CHIC2: variants seen among roughly 807,000 people sequenced by gnomAD.
CHIC2 encodes the protein cysteine-rich hydrophobic domain-containing protein 2.
In CHIC2, 14 loss-of-function variants were observed where a neutral mutation model predicts 25.9. The ratio of observed to expected loss-of-function variants is 0.54; its 90% CI spans 0.36 to 0.85. The LOEUF (loss-of-function observed/expected upper bound fraction) is 0.85, where lower values mean the gene tolerates loss of function less well. CHIC2 is among the 40% of genes least tolerant of loss of function. CHIC2 has a pLI of 0.01. For missense variants in CHIC2, 146 were observed against 202.0 expected, an observed-to-expected ratio of 0.72 and a Z score of 1.68; for synonymous variants, 70 against 72.0, an observed-to-expected ratio of 0.97 and a Z score of 0.14.
rs532455708 is a variant in CHIC2, at chr4:54,039,338, A to G, written c.330+9617T>C. Among the ~76,000 whole-genome samples the G allele has an allele frequency of 2.4e-4, 36 of 152,340 alleles. No homozygotes were observed. The South Asian group carries it at 6.2e-3, about 26-fold the overall frequency. Reference sequence around the variant, plus strand: ...TATATTAGCACGTATCTGCCAGGGGACTTATTTTCAGAATTATATGAAGAA... The same window carrying G: ...TATATTAGCACGTATCTGCCAGGGGGCTTATTTTCAGAATTATATGAAGAA... On this transcript the variant is annotated intron_variant, in intron 3 of 5. Coordinates refer to ENST00000263921, the MANE Select transcript of CHIC2 (RefSeq NM_012110.4).
intron 3 of CHIC2, among the ~76,000 whole-genome samples, chr4:54,020,547 G>A (rs577283299): frequency 3.9e-5 from 6 of 152,210 alleles, no homozygotes; most frequent in Non-Finnish European, 5.9e-5. Context: ...GGACTCCTTC[G>A]GAAGACCAGT....
intron 1 of CHIC2, among the ~76,000 whole-genome samples, chr4:54,056,319 A>T: frequency 6.6e-6 from 1 of 152,204 alleles, no homozygotes; most frequent in East Asian, 1.9e-4. Flanking sequence ...AGATTTTTGT[A>T]TATCTGATTT....
At chr4:54,037,722 T>C (rs1235403154) in intron 3 of CHIC2, among the ~76,000 whole-genome samples, 1 of 152,148 alleles carries the variant, frequency 6.6e-6, no homozygotes, top group Non-Finnish European at 1.5e-5. Context: ...GCTTTAACAG[T>C]AATAAAATTA....
At chr4:54,062,587 T>C (rs552580280) in intron 1 of CHIC2, among the ~76,000 whole-genome samples, 3 of 152,306 alleles carry the variant, frequency 2.0e-5, no homozygotes, top group African/African-American at 7.2e-5. Context: ...CTATTGCATT[T>C]TCCACTTGCC....
intron 1 of CHIC2, among the ~76,000 whole-genome samples, chr4:54,058,621 G>A (rs560121497): frequency 6.7e-6 from 1 of 150,084 alleles, no homozygotes; most frequent in South Asian, 2.1e-4. Context: ...ATACCTGAAG[G>A]ATACTTAAGA....
At chr4:54,045,605 C>A (rs879592322) in intron 3 of CHIC2, among the ~76,000 whole-genome samples, 386 of 152,052 alleles carry the variant, frequency 2.5e-3, no homozygotes, top group Non-Finnish European at 3.9e-3. Flanking sequence ...AACAACCCTT[C>A]ATGCTAAAAA....
chr4:54,064,497 T>A lies in CHIC2; in HGVS notation c.-197A>T, dbSNP rs1717448461. The A allele has an allele frequency of 7.0e-7, 1 of 1,437,260 alleles. No individual in the cohort carries two copies. The highest frequency in any genetic ancestry group is 2.6e-5 in the East Asian group (1 of 38,856). 89.0% of individuals were successfully genotyped at this position (1,437,260 alleles called of 1,614,324 possible). A position where few individuals can be genotyped will look rare whatever the true frequency, so the allele number is the denominator to read the frequency against. On this transcript the variant is annotated 5_prime_UTR_variant, in exon 1 of 6. The change abolishes an upstream ATG in the 5' untranslated region. Transcript: ENST00000263921. This position sits in a 1 kb window ranked among gnomAD's most constrained non-coding sequence, Gnocchi z 4.2. ...ACCGTCGCCGCCACCGCCGCCGCCA[T>A]TACCATCAGCAATAACAACAACACA...
intron 3 of CHIC2, among the ~76,000 whole-genome samples, chr4:54,041,811 G>A (rs941303465): frequency 5.3e-5 from 8 of 151,866 alleles, no homozygotes; most frequent in Non-Finnish European, 8.8e-5. Context: ...CAAATAAAAC[G>A]TTAAAAATCC....
rs34881525 is a variant in CHIC2 at position 54,009,954 on chromosome 4, T to TAAAAAAAAAAAAAAAAAAAA, written c.*140_*141insTTTTTTTTTTTTTTTTTTTT. 7.5e-6 allele frequency: 3 copies of TAAAAAAAAAAAAAAAAAAAA among 400,544 alleles called. No individual in the cohort carries two copies. Among genetic ancestry groups the TAAAAAAAAAAAAAAAAAAAA allele is most frequent in the South Asian group, 4.3e-5 (1 of 23,118 alleles). The allele number at this position is 400,544 out of a possible 1,614,324, so 24.8% of individuals were successfully genotyped here. A position where few individuals can be genotyped will look rare whatever the true frequency, so the allele number is the denominator to read the frequency against. On this transcript the variant is annotated 3_prime_UTR_variant, in exon 6 of 6. Transcript: ENST00000263921. ...TGCACACTTAGAACATGCGGTTATTTAAAAAAAAAACAAAAACAAAAACAA... is the reference window on the plus strand; with the variant it reads ...TGCACACTTAGAACATGCGGTTATTTAAAAAAAAAAAAAAAAAAAAAAAAAAAAAACAAAAACAAAAACAA...
At chr4:54,048,933 T>G (rs747869201) in intron 3 of CHIC2, 22 bp downstream of exon 3, 13 of 1,490,468 alleles carry the variant, frequency 8.7e-6, no homozygotes, top group Non-Finnish European at 1.2e-5. Flanking sequence ...AAATTTAAAT[T>G]AAAATATATA....
intron 3 of CHIC2, among the ~76,000 whole-genome samples, chr4:54,031,525 A>C (rs892343965): frequency 8.5e-5 from 13 of 152,072 alleles, no homozygotes; most frequent in African/African-American, 2.9e-4. Flanking sequence ...GAGAATAATA[A>C]TACTAAAATG....
chr4:54,043,420 CAAA>C (rs902677237), intron 3 of CHIC2, among the ~76,000 whole-genome samples: 2 of 55,854 alleles, frequency 3.6e-5, no homozygotes, highest in Non-Finnish European at 8.0e-5. Flanking sequence ...GACTCCATTT[CAAA>C]AAAAAAAAAA....
chr4:54,010,697 C>A (rs1281345576), intron 5 of CHIC2, among the ~76,000 whole-genome samples: 1 of 151,996 alleles, frequency 6.6e-6, no homozygotes, highest in African/African-American at 2.4e-5. Context: ...AAAGCCTTGC[C>A]CTTTATACCA....
chr4:54,013,385 G>A (rs1466032190), intron 5 of CHIC2, among the ~76,000 whole-genome samples: 2 of 152,054 alleles, frequency 1.3e-5, no homozygotes, highest in African/African-American at 4.8e-5. Flanking sequence ...ATTCTTTAAA[G>A]GGCACTGAGG....
chr4:54,057,583 T>C (rs751849837), intron 1 of CHIC2, among the ~76,000 whole-genome samples: 2 of 152,172 alleles, frequency 1.3e-5, no homozygotes, highest in Non-Finnish European at 2.9e-5. Context: ...AGTGCAACTT[T>C]ATCAGATAAA....
At chr4:54,087,777 A>G in the CHIC2 span, 1 of 459,296 alleles carries the variant, frequency 2.2e-6, no homozygotes. Flanking sequence ...ACCACCACAA[A>G]GCCCTGTGCT....
intron 1 of CHIC2, 94 bp from the exon 2 acceptor site, chr4:54,049,399 T>C (rs930460483): frequency 8.6e-6 from 6 of 695,420 alleles, no homozygotes; most frequent in Non-Finnish European, 1.4e-5. Flanking sequence ...TAGAAAGCAT[T>C]TTCACATATG....
intron 3 of CHIC2, among the ~76,000 whole-genome samples, chr4:54,044,702 T>C (rs570190061): frequency 1.2e-3 from 183 of 152,074 alleles, no homozygotes; most frequent in African/African-American, 4.2e-3. Flanking sequence ...GCAGGAAAGA[T>C]CTAAAATTGA....
the CHIC2 span, among the ~76,000 whole-genome samples, chr4:54,083,749 TTC>T: frequency 1.3e-5 from 2 of 152,214 alleles, no homozygotes; most frequent in Non-Finnish European, 2.9e-5. Flanking sequence ...TGTCTCTGGT[TTC>T]TCTCTCTTCC....
Sources: allele counts gnomAD v4.1 joint callset (sites outside exome capture counted in the v4.1 genomes callset), GRCh38; gene constraint gnomAD v4.1.1; non-coding constraint Gnocchi (gnomAD v3.1); transcripts MANE v1.5; gene names NCBI Gene and HGNC (gene_info 2026-07-23, HGNC 2026-07-21).